The following FAM81A variants were observed in gnomAD, a reference collection of about 807,000 sequenced individuals.
The protein encoded by FAM81A is protein FAM81A.
FAM81A carries 19 observed loss-of-function variants against 46.7 expected under a neutral mutation model. The ratio of observed to expected loss-of-function variants is 0.41; its 90% CI spans 0.28 to 0.60. FAM81A has a LOEUF of 0.60. Ranked by LOEUF, FAM81A falls within the 20% of genes least tolerant of loss-of-function variation. The pLI is 0.34. For synonymous variants in FAM81A, 183 were observed against 152.9 expected, an observed-to-expected ratio of 1.20 and a Z score of -1.45; for missense variants, 377 against 453.5, an observed-to-expected ratio of 0.83 and a Z score of 1.53.
chr15:59,517,347 C>T (rs1256634103), intron 8 of FAM81A, among the ~76,000 whole-genome samples: 3 of 152,288 alleles, frequency 2.0e-5, no homozygotes, highest in Admixed American at 6.5e-5. Context: ...ATTAGATTTA[C>T]GCTCTGAACT....
chr15:59,509,607 T>C (rs1200914398), intron 6 of FAM81A, among the ~76,000 whole-genome samples: 2 of 152,124 alleles, frequency 1.3e-5, no homozygotes, highest in Non-Finnish European at 2.9e-5. Context: ...TGATGCACTT[T>C]GAGGACGGGG....
chr15:59,431,177 C>G (rs959263232), intron 2 of FAM81A, among the ~76,000 whole-genome samples: 1 of 152,084 alleles, frequency 6.6e-6, no homozygotes, highest in Non-Finnish European at 1.5e-5. Context: ...GGACATCACT[C>G]TTTCACTCTT....
At chr15:59,516,148 A>G (rs1196751574) in intron 7 of FAM81A, among the ~76,000 whole-genome samples, 1 of 142,888 alleles carries the variant, frequency 7.0e-6, no homozygotes, top group African/African-American at 2.6e-5. Context: ...TTTTTTTGAG[A>G]CAGAGTCTCA....
chr15:59,505,883 T>A (rs574777922), intron 4 of FAM81A, among the ~76,000 whole-genome samples: 118 of 152,342 alleles, frequency 7.7e-4, no homozygotes, highest in African/African-American at 2.4e-3. Context: ...ATCCTCCAGT[T>A]TTTTTCCTAA....
At chr15:59,507,468 A>T (rs775051936) in intron 5 of FAM81A, 126 bp downstream of exon 5, 4 of 1,283,620 alleles carry the variant, frequency 3.1e-6, no homozygotes, top group Non-Finnish European at 4.2e-6. Context: ...TGCCAATCAT[A>T]AGCATCTTTT....
intron 4 of FAM81A, among the ~76,000 whole-genome samples, chr15:59,498,914 G>A (rs541928951): frequency 1.3e-4 from 20 of 152,172 alleles, no homozygotes; most frequent in Middle Eastern, 3.4e-3. Flanking sequence ...CTCGGCCTTA[G>A]GATCACTTGA....
chr15:59,421,102 A>T (rs2081168926), intron 2 of FAM81A, among the ~76,000 whole-genome samples: 1 of 152,242 alleles, frequency 6.6e-6, no homozygotes, highest in African/African-American at 2.4e-5. Context: ...TTAAATGTGC[A>T]TACGAATCAG....
At chr15:59,452,159 G>C (rs1450787297) in intron 1 of FAM81A, among the ~76,000 whole-genome samples, 1 of 152,182 alleles carries the variant, frequency 6.6e-6, no homozygotes, top group African/African-American at 2.4e-5. Flanking sequence ...ATCTTAACTT[G>C]AATTTTGCAG....
intron 6 of FAM81A, among the ~76,000 whole-genome samples, chr15:59,513,347 A>T (rs2082233238): frequency 6.6e-6 from 1 of 152,146 alleles, no homozygotes; most frequent in African/African-American, 2.4e-5. Flanking sequence ...GAGCCTGGGG[A>T]AGAAGGGGAC....
At chr15:59,434,848 C>CA (rs1191586961), upstream of FAM81A, among the ~76,000 whole-genome samples, 2 of 152,198 alleles carry the variant, frequency 1.3e-5, no homozygotes, top group Admixed American at 6.5e-5. Flanking sequence ...TTATAAACAC[C>CA]ACGTTGACCT....
At chr15:59,485,645 A>G (rs1181232581) in intron 3 of FAM81A, among the ~76,000 whole-genome samples, 1 of 152,232 alleles carries the variant, frequency 6.6e-6, no homozygotes, top group Non-Finnish European at 1.5e-5. Flanking sequence ...ATATCTGGAA[A>G]GCCTTCGCAA....
chr15:59,471,510 TGGAGTGCA>T (rs1238816702), intron 3 of FAM81A, among the ~76,000 whole-genome samples: 2 of 152,134 alleles, frequency 1.3e-5, no homozygotes, highest in Non-Finnish European at 2.9e-5. Flanking sequence ...TTACCCAGGC[TGGAGTGCA>T]GTGGTGCAAT....
At chr15:59,465,924 C>T (rs1453718326) in intron 3 of FAM81A, among the ~76,000 whole-genome samples, 2 of 152,128 alleles carry the variant, frequency 1.3e-5, no homozygotes, top group Non-Finnish European at 2.9e-5. Context: ...CAGTTCCCAC[C>T]TGTGAATGAG....
At chr15:59,507,464 T>C in intron 5 of FAM81A, 122 bp downstream of exon 5, 1 of 1,284,024 alleles carries the variant, frequency 7.8e-7, no homozygotes, top group Non-Finnish European at 1.1e-6. Context: ...TTTATGCCAA[T>C]CATAAGCATC....
At position 59,470,158 on chromosome 15, in the gene FAM81A, A is replaced by G. The variant is rs145432231; in HGVS notation, c.294+9952A>G. Among the ~76,000 whole-genome samples, 73 of 151,934 alleles carry G rather than the reference A, an allele frequency of 4.8e-4. 3 individuals are homozygous for G. In the East Asian group the frequency reaches 0.014, roughly 29 times the overall value. On this transcript the variant is annotated intron_variant, in intron 3 of 8. Transcript: ENST00000288228. ...CGTTAACACTTTTTCCTTCATTTCAACCTTGTGAATCTGACAATTATGTGT... is the reference window on the plus strand; with the variant it reads ...CGTTAACACTTTTTCCTTCATTTCAGCCTTGTGAATCTGACAATTATGTGT...
chr15:59,442,262 TAATC>T, intron 1 of FAM81A, among the ~76,000 whole-genome samples: 1 of 152,292 alleles, frequency 6.6e-6, no homozygotes, highest in East Asian at 1.9e-4. Flanking sequence ...CTGGCTTCTG[TAATC>T]ATTTTTCCCC....
intron 3 of FAM81A, among the ~76,000 whole-genome samples, chr15:59,474,635 A>T (rs192016167): frequency 4.1e-4 from 62 of 152,282 alleles, no homozygotes; most frequent in African/African-American, 1.5e-3. Flanking sequence ...CATCATTCAA[A>T]CCTCAGCAAA....
At position 59,481,002 on chromosome 15, in the gene FAM81A, A is replaced by T. The variant is rs141979764; in HGVS notation, c.295-11269A>T. Among the ~76,000 whole-genome samples the T allele has an allele frequency of 8.0e-3, 1,219 of 152,030 alleles. 18 individuals are homozygous for T. Among genetic ancestry groups the T allele is most frequent in the African/African-American group, 0.027 (1,128 of 41,498 alleles). On this transcript the variant is annotated intron_variant, in intron 3 of 8. Coordinates refer to ENST00000288228, the MANE Select transcript of FAM81A (RefSeq NM_152450.3). ...GCACTTCTTTCTTAAATTTTTATTC[A>T]TTTGTTTTTTGAGACAGGGTCTTGC... is the stretch of plus-strand genomic sequence containing the variant.
rs2081750131 is a variant in FAM81A, at chr15:59,475,179, C to A, written c.294+14973C>A. On this transcript the variant is annotated intron_variant, in intron 3 of 8. Coordinates refer to ENST00000288228, the MANE Select transcript of FAM81A (RefSeq NM_152450.3). ...TTTTTTTTTGAGACAAGGTCTCACT[C>A]CCTCACCCAGGCTGGAGTGCAGTCG... Among the ~76,000 whole-genome samples the A allele has an allele frequency of 3.3e-5, 5 of 151,866 alleles. No homozygotes were observed. The South Asian group carries it at 1.0e-3, about 32-fold the overall frequency.
Sources: allele counts gnomAD v4.1 joint callset (sites outside exome capture counted in the v4.1 genomes callset), GRCh38; gene constraint gnomAD v4.1.1; transcripts MANE v1.5; gene names NCBI Gene and HGNC (gene_info 2026-07-23, HGNC 2026-07-21).